Variants in SFRP1 observed in about 807,000 individuals in gnomAD.
The protein encoded by SFRP1 is secreted frizzled related protein 1.
A neutral mutation model predicts 25.9 loss-of-function variants in SFRP1; 9 were observed. The ratio of observed to expected loss-of-function variants is 0.35; its 90% CI spans 0.21 to 0.61. SFRP1 has a LOEUF of 0.61. Ranked by LOEUF, SFRP1 falls within the 20% of genes least tolerant of loss-of-function variation. The pLI is 0.78. For synonymous variants in SFRP1, 178 were observed against 174.0 expected, an observed-to-expected ratio of 1.02 and a Z score of -0.18; for missense variants, 346 against 418.2, an observed-to-expected ratio of 0.83 and a Z score of 1.51.
rs528467030 is a variant in SFRP1, at chr8:41,273,479, C to CA, written c.623-7991dup. 1.9e-3 allele frequency among the ~76,000 whole-genome samples: 269 copies of CA among 142,306 alleles called. 2 individuals are homozygous for CA. The highest frequency in any genetic ancestry group is 5.6e-3 in the African/African-American group (217 of 38,698). The allele number at this position is 142,306 out of a possible 152,430, so 93.4% of individuals were successfully genotyped here. A position where few individuals can be genotyped will look rare whatever the true frequency, so the allele number is the denominator to read the frequency against. On this transcript the variant is annotated intron_variant, in intron 2 of 2. Transcript: ENST00000220772. Reference sequence around the variant, plus strand: ...TGCACTCCAGCCTGGGCCTCTGTCTCAAAAAAAAAAGGCATTATTAATGTT... The same window carrying CA: ...TGCACTCCAGCCTGGGCCTCTGTCTCAAAAAAAAAAAGGCATTATTAATGTT...
intron 2 of SFRP1, among the ~76,000 whole-genome samples, chr8:41,283,220 A>T (rs1242500130): frequency 6.6e-6 from 1 of 152,088 alleles, no homozygotes; most frequent in African/African-American, 2.4e-5. Flanking sequence ...TTCCCTGACA[A>T]GTGTCAGAAT....
chr8:41,267,025 G>A (rs1305325797), intron 2 of SFRP1, among the ~76,000 whole-genome samples: 2 of 152,156 alleles, frequency 1.3e-5, no homozygotes, highest in Non-Finnish European at 2.9e-5. Flanking sequence ...AATCCCCACT[G>A]ACAGGCAGCA....
chr8:41,305,543 T>C (rs1389897901), intron 1 of SFRP1, among the ~76,000 whole-genome samples: 1 of 152,218 alleles, frequency 6.6e-6, no homozygotes, highest in Non-Finnish European at 1.5e-5. Context: ...TGATGCGGTA[T>C]TAACCTGCGC....
At chr8:41,297,207 C>A (rs1036793229) in intron 2 of SFRP1, among the ~76,000 whole-genome samples, 1 of 152,088 alleles carries the variant, frequency 6.6e-6, no homozygotes, top group African/African-American at 2.4e-5. Flanking sequence ...CCATGCCCAG[C>A]TAATTTTTGT....
chr8:41,299,662 CAAAAAA>C (rs61141419), intron 2 of SFRP1, among the ~76,000 whole-genome samples: 3 of 66,372 alleles, frequency 4.5e-5, no homozygotes, highest in South Asian at 7.0e-4. Context: ...GACTTAGTCT[CAAAAAA>C]AAAAAAAAAA....
At position 41,265,071 on chromosome 8, in the gene SFRP1, C is replaced by A; in HGVS notation, c.*96G>T. ...GATTACAATGTCCACTACTGACAGGCGCAGTGCGTGTGTGTGACCCACCGG... is the reference window on the plus strand; with the variant it reads ...GATTACAATGTCCACTACTGACAGGAGCAGTGCGTGTGTGTGACCCACCGG... On this transcript the variant is annotated 3_prime_UTR_variant, in exon 3 of 3. Transcript: ENST00000220772. 5 of 795,798 alleles carry A rather than the reference C, an allele frequency of 6.3e-6. No homozygotes were observed. Among genetic ancestry groups the A allele is most frequent in the South Asian group, 3.5e-5 (2 of 57,006 alleles). 49.3% of individuals were successfully genotyped at this position (795,798 alleles called of 1,614,324 possible).
At chr8:41,308,121 A>G (rs1432759461) in intron 1 of SFRP1, among the ~76,000 whole-genome samples, 1 of 152,182 alleles carries the variant, frequency 6.6e-6, no homozygotes, top group South Asian at 2.1e-4. Context: ...TCTTTGTCGA[A>G]CCTATGAAAA....
chr8:41,308,805 G>A lies in SFRP1; in HGVS notation c.355C>T (p.Pro119Ser). The A allele has an allele frequency of 6.2e-7, 1 of 1,610,792 alleles. No individual in the cohort carries two copies. The highest frequency in any genetic ancestry group is 1.1e-5 in the South Asian group (1 of 90,882). Residue 119 changes from proline (P) to serine (S), a missense_variant, in exon 1 of 3, where the codon CCC becomes TCC. Transcript: ENST00000220772. The part of the protein sequence containing the change: ...TQVFLCSLFA[P>S]VCLDRPIYPC... The stretch of plus-strand genomic sequence containing the variant: ...TAGATGGGCCGGTCCAGGCAGACGG[G>A]CGCGAAGAGCGAGCAGAGGAAGACC...
rs953338314 is a variant in SFRP1 at position 41,262,981 on chromosome 8, T to G, written c.*2186A>C. 6.6e-6 allele frequency: 1 copy of G among 152,238 alleles called. No individual in the cohort carries two copies. The highest frequency in any genetic ancestry group is 2.4e-5 in the African/African-American group (1 of 41,456). 9.4% of individuals were successfully genotyped at this position (152,238 alleles called of 1,614,324 possible). On this transcript the variant is annotated 3_prime_UTR_variant, in exon 3 of 3. Coordinates refer to ENST00000220772, the MANE Select transcript of SFRP1 (RefSeq NM_003012.5). ...TATTTTGAGCTCTTTCTGAAGCTGTTGCTTCCTACCTGAGAATTCCCATTT... is the reference window on the plus strand; with the variant it reads ...TATTTTGAGCTCTTTCTGAAGCTGTGGCTTCCTACCTGAGAATTCCCATTT...
chr8:41,295,133 A>G (rs1400401100), intron 2 of SFRP1, among the ~76,000 whole-genome samples: 2 of 152,254 alleles, frequency 1.3e-5, no homozygotes, highest in Middle Eastern at 3.4e-3. Flanking sequence ...GAGGCCAAGG[A>G]GGGCAGATCA....
chr8:41,269,646 G>A (rs1267202690), intron 2 of SFRP1, among the ~76,000 whole-genome samples: 1 of 152,104 alleles, frequency 6.6e-6, no homozygotes, highest in Non-Finnish European at 1.5e-5. Flanking sequence ...CTGCTTCTAT[G>A]AGTGGTGCCT....
In SFRP1 at chr8:41,309,186, A is replaced by G; in HGVS notation, c.-27T>C. 2 of 1,289,874 alleles carry G rather than the reference A, an allele frequency of 1.6e-6. No homozygotes were observed. The highest frequency in any genetic ancestry group is 2.9e-4 in the Middle Eastern group (1 of 3,426). 79.9% of individuals were successfully genotyped at this position (1,289,874 alleles called of 1,614,324 possible). A position where few individuals can be genotyped will look rare whatever the true frequency, so the allele number is the denominator to read the frequency against. On this transcript the variant is annotated 5_prime_UTR_variant, in exon 1 of 3. Transcript: ENST00000220772. Reference sequence around the variant, plus strand: ...CCGGCTCTGCGCCCTGTTCTCCGCGACGTCGGGGCTGCCTCCGCCGCCTCC... The same window carrying G: ...CCGGCTCTGCGCCCTGTTCTCCGCGGCGTCGGGGCTGCCTCCGCCGCCTCC...
rs140721431 is a variant in SFRP1, at chr8:41,295,051, C to T, written c.622+8410G>A. Among the ~76,000 whole-genome samples the T allele has an allele frequency of 3.2e-3, 494 of 152,222 alleles. 2 individuals carry two copies. Among genetic ancestry groups the T allele is most frequent in the African/African-American group, 0.012 (478 of 41,546 alleles). The stretch of plus-strand genomic sequence containing the variant: ...AAGCAGTTTATAATCCAGCAGTCTC[C>T]CTGAAAAAACCACTATCAACAATCA... On this transcript the variant is annotated intron_variant, in intron 2 of 2. Transcript: ENST00000220772.
At chr8:41,266,073 G>A (rs1803431720) in intron 2 of SFRP1, among the ~76,000 whole-genome samples, 3 of 152,016 alleles carry the variant, frequency 2.0e-5, no homozygotes, top group Admixed American at 6.6e-5. Context: ...GGCTGAGGCA[G>A]GAGAATTGCT....
At chr8:41,300,693 G>A (rs560276027) in intron 2 of SFRP1, among the ~76,000 whole-genome samples, 105 of 152,276 alleles carry the variant, frequency 6.9e-4, no homozygotes, top group African/African-American at 2.3e-3. Context: ...GTGGCGGCTC[G>A]CAAATACTAT....
intron 2 of SFRP1, chr8:41,276,999 TA>T (rs1222359469): frequency 2.2e-6 from 1 of 456,336 alleles, no homozygotes. Context: ...ATCCTGCTGC[TA>T]ACTGCTTGAT....
intron 2 of SFRP1, among the ~76,000 whole-genome samples, chr8:41,297,260 T>A (rs1803855291): frequency 6.6e-6 from 1 of 151,310 alleles, no homozygotes; most frequent in Non-Finnish European, 1.5e-5. Flanking sequence ...GCCAGGCTGG[T>A]CTTGAACTTC....
chr8:41,287,614 T>G (rs1275221155), intron 2 of SFRP1, among the ~76,000 whole-genome samples: 1 of 152,244 alleles, frequency 6.6e-6, no homozygotes, highest in Non-Finnish European at 1.5e-5. Context: ...CTCAGGGTCT[T>G]CAGCTAATAT....
intron 2 of SFRP1, among the ~76,000 whole-genome samples, chr8:41,297,193 G>C (rs558647714): frequency 6.6e-6 from 1 of 152,236 alleles, no homozygotes; most frequent in Admixed American, 6.5e-5. Context: ...ACAAGCGCCT[G>C]CCACCATGCC....
Sources: allele counts gnomAD v4.1 joint callset (sites outside exome capture counted in the v4.1 genomes callset), GRCh38; gene constraint gnomAD v4.1.1; transcripts MANE v1.5; gene names NCBI Gene and HGNC (gene_info 2026-07-23, HGNC 2026-07-21).